Variants in GRIK2 observed in about 807,000 individuals in gnomAD.
GRIK2 encodes glutamate ionotropic receptor kainate type subunit 2.
In GRIK2, 32 loss-of-function variants were observed where a neutral mutation model predicts 100.3. The ratio of observed to expected loss-of-function variants is 0.32; its 90% CI spans 0.24 to 0.43. GRIK2 has a LOEUF of 0.43. Ranked by LOEUF, GRIK2 falls within the 20% of genes least tolerant of loss-of-function variation. GRIK2 has a pLI of 1.00. For missense variants in GRIK2, 843 were observed against 1,114.9 expected (o/e 0.76, Z 3.47); for synonymous variants, 417 against 389.4 (o/e 1.07, Z -0.83).
At chr6:101,399,487 G>A in intron 2 of GRIK2, 95 bp downstream of exon 2, 3 of 750,012 alleles carry the variant, frequency 4.0e-6, no homozygotes, top group Non-Finnish European at 7.5e-6. Context: ...GGGCTCCGTG[G>A]ATTCTGATCT....
chr6:101,464,510 T>C (rs1240855649), intron 2 of GRIK2, among the ~76,000 whole-genome samples: 3 of 72,924 alleles, frequency 4.1e-5, no homozygotes, highest in Admixed American at 1.4e-4. Context: ...TTTTTTTTTT[T>C]TTTTTTTTTT....
rs1774893316 is a variant in GRIK2, at chr6:101,393,783, C to T, written c.-348C>T. Among the ~76,000 whole-genome samples the T allele has an allele frequency of 6.6e-6, 1 of 152,098 alleles. No individual in the cohort carries two copies. Among genetic ancestry groups the T allele is most frequent in the African/African-American group, 2.4e-5 (1 of 41,458 alleles). On this transcript the variant is annotated 5_prime_UTR_variant, in exon 1 of 17. Transcript: ENST00000369134. The stretch of plus-strand genomic sequence containing the variant: ...TTTTCCGCCCGACCTCCTCCGGCTG[C>T]TCCTCCCCGAGGACCACCCCACCCC...
At chr6:101,930,188 A>C (rs1397269886) in intron 14 of GRIK2, among the ~76,000 whole-genome samples, 1 of 151,950 alleles carries the variant, frequency 6.6e-6, no homozygotes, top group Non-Finnish European at 1.5e-5. Flanking sequence ...CAAACAGCCC[A>C]AAAATTAGTG....
At chr6:101,621,804 C>A in intron 2 of GRIK2, 145 bp from the exon 3 acceptor site, 1 of 638,188 alleles carries the variant, frequency 1.6e-6, no homozygotes. Context: ...CTCCCTCTCT[C>A]TCTCTCTTTC....
At chr6:101,666,090 G>A (rs931226998) in intron 4 of GRIK2, among the ~76,000 whole-genome samples, 15 of 152,236 alleles carry the variant, frequency 9.9e-5, no homozygotes, top group African/African-American at 3.6e-4. Flanking sequence ...GCAATTTCAG[G>A]GGTCCCAAAG....
chr6:101,673,366 G>A (rs994385728), intron 4 of GRIK2, among the ~76,000 whole-genome samples: 10 of 152,046 alleles, frequency 6.6e-5, no homozygotes, highest in Admixed American at 3.3e-4. Context: ...TTCTTTCCCC[G>A]GTTCTTCTCA....
intron 2 of GRIK2, among the ~76,000 whole-genome samples, chr6:101,565,521 A>C (rs1041009436): frequency 6.6e-6 from 1 of 152,132 alleles, no homozygotes; most frequent in Non-Finnish European, 1.5e-5. Flanking sequence ...GGTGATGTAA[A>C]TGTATTCACT....
chr6:101,754,959 A>G (rs1777033698), intron 7 of GRIK2, among the ~76,000 whole-genome samples: 1 of 152,154 alleles, frequency 6.6e-6, no homozygotes, highest in Non-Finnish European at 1.5e-5. Context: ...ATGGGAGAAT[A>G]TGAACTTGAT....
chr6:102,023,554 AG>A (rs1769540072), intron 14 of GRIK2, among the ~76,000 whole-genome samples: 1 of 151,528 alleles, frequency 6.6e-6, no homozygotes, highest in Non-Finnish European at 1.5e-5. Flanking sequence ...TTCTCTGTAA[AG>A]TAAAACCCAG....
chr6:101,922,092 C>CA (rs1554286835), intron 12 of GRIK2, among the ~76,000 whole-genome samples: 2 of 30,834 alleles, frequency 6.5e-5, no homozygotes, highest in Non-Finnish European at 1.3e-4. Context: ...TCCTTCCTTC[C>CA]TTCCTTCCTT....
chr6:101,913,593 G>C (rs67958744), intron 12 of GRIK2, among the ~76,000 whole-genome samples: 1,699 of 151,570 alleles, frequency 0.011, 18 homozygotes, highest in Non-Finnish European at 0.016. Context: ...ATAATGAAGT[G>C]AGCATTTTAG....
chr6:101,515,046 C>G (rs1450866040), intron 2 of GRIK2, among the ~76,000 whole-genome samples: 3 of 152,056 alleles, frequency 2.0e-5, no homozygotes, highest in East Asian at 1.9e-4. Flanking sequence ...TCCTTTGCCT[C>G]CCTCCCACTC....
Position 101,707,600 on chromosome 6 carries a change from ATG to A in GRIK2, c.951+21253_951+21254del, listed in dbSNP as rs1222407526. Among the ~76,000 whole-genome samples, 34 of 122,130 alleles carry A rather than the reference ATG, an allele frequency of 2.8e-4. 1 individual carries two copies. Among genetic ancestry groups the A allele is most frequent in the African/African-American group, 1.1e-3 (33 of 30,266 alleles). The allele number at this position is 122,130 out of a possible 152,430, so 80.1% of individuals were successfully genotyped here. Reference sequence around the variant, plus strand: ...TATGTGTGTGTGTGTGTGTGTATATATGTGTGTATATATATATATATATATAT... The same window carrying A: ...TATGTGTGTGTGTGTGTGTGTATATATGTGTATATATATATATATATATAT... On this transcript the variant is annotated intron_variant, in intron 7 of 16. Coordinates refer to ENST00000369134, the MANE Select transcript of GRIK2 (RefSeq NM_021956.5).
intron 2 of GRIK2, among the ~76,000 whole-genome samples, chr6:101,477,611 A>G (rs1772313418): frequency 6.6e-6 from 1 of 152,124 alleles, no homozygotes; most frequent in Non-Finnish European, 1.5e-5. Flanking sequence ...TTCATTCTAG[A>G]GGTTTATTCA....
chr6:101,996,853 C>T (rs1225591914), intron 14 of GRIK2, among the ~76,000 whole-genome samples: 1 of 152,036 alleles, frequency 6.6e-6, no homozygotes, highest in African/African-American at 2.4e-5. Flanking sequence ...GGCCAATTTT[C>T]ATGAATGTTG....
At chr6:101,900,185 C>T (rs1185204687) in intron 12 of GRIK2, among the ~76,000 whole-genome samples, 4 of 152,014 alleles carry the variant, frequency 2.6e-5, no homozygotes, top group African/African-American at 7.2e-5. Context: ...TATTTTGGAG[C>T]CAGGCGCTGT....
intron 10 of GRIK2, among the ~76,000 whole-genome samples, chr6:101,830,653 A>G (rs2128427800): frequency 6.6e-6 from 1 of 151,800 alleles, no homozygotes; most frequent in Non-Finnish European, 1.5e-5. Context: ...AATCAAAACC[A>G]CAGTGAGATG....
intron 12 of GRIK2, among the ~76,000 whole-genome samples, chr6:101,897,246 CT>C (rs897414772): frequency 2.0e-5 from 3 of 151,186 alleles, no homozygotes; most frequent in Non-Finnish European, 4.4e-5. Flanking sequence ...TCCTTTCTTC[CT>C]TTTTTTTGGA....
chr6:101,774,360 G>T (rs542063697), intron 7 of GRIK2, among the ~76,000 whole-genome samples: 1 of 152,272 alleles, frequency 6.6e-6, no homozygotes, highest in Admixed American at 6.5e-5. Flanking sequence ...ATGTATTGGA[G>T]ACCAGCTGGA....
Sources: gnomAD v4.1 joint callset for allele counts (sites outside exome capture counted in the v4.1 genomes callset) on GRCh38, gnomAD v4.1.1 for gene constraint, MANE v1.5 for transcripts, NCBI Gene and HGNC (gene_info 2026-07-23, HGNC 2026-07-21) for gene names.